SLC24A2: variants seen among roughly 807,000 people sequenced by gnomAD.
SLC24A2 encodes sodium/potassium/calcium exchanger 2.
SLC24A2 carries 36 observed loss-of-function variants against 62.0 expected under a neutral mutation model. That is an observed-to-expected ratio of 0.58 (90% CI 0.44 to 0.77). The LOEUF (loss-of-function observed/expected upper bound fraction) is 0.77. SLC24A2 is among the 30% of genes least tolerant of loss of function. SLC24A2 has a pLI of 0.00. For synonymous variants in SLC24A2, 358 were observed against 294.0 expected (o/e 1.22, Z -2.23); for missense variants, 846 against 817.9 (o/e 1.03, Z -0.42).
At chr9:19,745,936 C>T (rs1022377192) in intron 2 of SLC24A2, among the ~76,000 whole-genome samples, 2 of 152,022 alleles carry the variant, frequency 1.3e-5, no homozygotes, top group African/African-American at 4.8e-5. Flanking sequence ...TATCATAGCC[C>T]TTTCTTTCTG....
At chr9:20,230,481 C>G in the SLC24A2 span, among the ~76,000 whole-genome samples, 1 of 152,172 alleles carries the variant, frequency 6.6e-6, no homozygotes. Flanking sequence ...TCTCTGATGG[C>G]CAGTGATGAT....
At chr9:19,819,653 A>G in the SLC24A2 span, among the ~76,000 whole-genome samples, 2 of 152,088 alleles carry the variant, frequency 1.3e-5, no homozygotes, top group Non-Finnish European at 2.9e-5. Flanking sequence ...CAAAACCACA[A>G]TGTGATACCA....
intron 2 of SLC24A2, among the ~76,000 whole-genome samples, chr9:19,687,023 C>T (rs1297358496): frequency 1.3e-5 from 2 of 151,984 alleles, no homozygotes; most frequent in Admixed American, 6.6e-5. Context: ...TATGTGAACA[C>T]GGGAACAGAA....
the SLC24A2 span, among the ~76,000 whole-genome samples, chr9:19,955,128 C>T: frequency 2.6e-5 from 4 of 151,888 alleles, no homozygotes; most frequent in African/African-American, 9.7e-5. Context: ...GGATGTGTCC[C>T]ACAATTAATG....
At chr9:19,834,828 AG>A in the SLC24A2 span, among the ~76,000 whole-genome samples, 3 of 152,202 alleles carry the variant, frequency 2.0e-5, no homozygotes, top group African/African-American at 7.2e-5. Flanking sequence ...CCAGAGAGAA[AG>A]GTCGGGTTAC....
chr9:19,806,586 A>G, the SLC24A2 span, among the ~76,000 whole-genome samples: 1 of 152,202 alleles, frequency 6.6e-6, no homozygotes, highest in Admixed American at 6.5e-5. Context: ...AAGATATAAC[A>G]TTCATGAGAT....
At chr9:19,958,356 T>C in the SLC24A2 span, among the ~76,000 whole-genome samples, 3 of 152,148 alleles carry the variant, frequency 2.0e-5, no homozygotes, top group African/African-American at 4.8e-5. Context: ...CACCCAGCTG[T>C]TGCAAATTAG....
At chr9:19,973,593 A>T in the SLC24A2 span, among the ~76,000 whole-genome samples, 4 of 152,152 alleles carry the variant, frequency 2.6e-5, no homozygotes, top group African/African-American at 9.7e-5. Flanking sequence ...ATATTTCTGA[A>T]TTTTGTCCTC....
the SLC24A2 span, among the ~76,000 whole-genome samples, chr9:20,270,030 A>C: frequency 0.3 from 46,221 of 152,066 alleles, 7,312 homozygotes; most frequent in South Asian, 0.42. Flanking sequence ...AAGGGGAAGC[A>C]GACGTGTGAA....
the SLC24A2 span, among the ~76,000 whole-genome samples, chr9:20,306,621 G>C: frequency 6.6e-6 from 1 of 152,224 alleles, no homozygotes; most frequent in African/African-American, 2.4e-5. Context: ...GCAGGGCCGT[G>C]TTGGGTGTCT....
the SLC24A2 span, among the ~76,000 whole-genome samples, chr9:19,933,667 A>C: frequency 6.6e-6 from 1 of 152,264 alleles, no homozygotes; most frequent in African/African-American, 2.4e-5. Flanking sequence ...ACACTTGTAC[A>C]TGCATCTTCG....
chr9:19,820,058 C>CAT, the SLC24A2 span, among the ~76,000 whole-genome samples: 2,018 of 34,546 alleles, frequency 0.058, 54 homozygotes, highest in East Asian at 0.16. Flanking sequence ...TATATATACA[C>CAT]ATATATATAT....
At chr9:19,567,654 C>T (rs952572603) in intron 7 of SLC24A2, among the ~76,000 whole-genome samples, 2 of 144,820 alleles carry the variant, frequency 1.4e-5, no homozygotes, top group African/African-American at 5.1e-5. Context: ...TACCATAAAC[C>T]ATACTAAGTA....
chr9:19,988,102 A>C, the SLC24A2 span, among the ~76,000 whole-genome samples: 2 of 152,328 alleles, frequency 1.3e-5, no homozygotes, highest in South Asian at 2.1e-4. Flanking sequence ...GGGATGGATG[A>C]ACTGCAGGTA....
chr9:20,004,135 C>T, the SLC24A2 span, among the ~76,000 whole-genome samples: 2 of 152,168 alleles, frequency 1.3e-5, no homozygotes, highest in African/African-American at 2.4e-5. Flanking sequence ...ACACAGACCC[C>T]TTCTAATGAG....
chr9:19,894,594 A>T, the SLC24A2 span, among the ~76,000 whole-genome samples: 1 of 152,218 alleles, frequency 6.6e-6, no homozygotes, highest in African/African-American at 2.4e-5. Context: ...TGGAGAGCCA[A>T]CAACTTTCCT....
At chr9:20,055,718 T>C in the SLC24A2 span, among the ~76,000 whole-genome samples, 1 of 151,952 alleles carries the variant, frequency 6.6e-6, no homozygotes, top group Non-Finnish European at 1.5e-5. Flanking sequence ...TGAAAAACAA[T>C]CTCTACTAAA....
the SLC24A2 span, among the ~76,000 whole-genome samples, chr9:19,829,765 ATG>A: frequency 0.11 from 6,436 of 56,690 alleles, 202 homozygotes; most frequent in Non-Finnish European, 0.13. Flanking sequence ...TTATATATAT[ATG>A]TGTGTGTGTG....
the SLC24A2 span, among the ~76,000 whole-genome samples, chr9:20,184,840 C>T: frequency 6.6e-6 from 1 of 151,986 alleles, no homozygotes; most frequent in Non-Finnish European, 1.5e-5. Context: ...ATAGTTAAGA[C>T]ATGGAATCAA....
Sources: gnomAD v4.1 joint callset for allele counts (sites outside exome capture counted in the v4.1 genomes callset) on GRCh38, gnomAD v4.1.1 for gene constraint, MANE v1.5 for transcripts, NCBI Gene and HGNC (gene_info 2026-07-23, HGNC 2026-07-21) for gene names.